The following COL4A3 variants were observed in gnomAD, a reference collection of about 807,000 sequenced individuals.
COL4A3 encodes the protein collagen type IV alpha 3 chain, also known as collagen alpha-3(IV) chain.
COL4A3 carries 135 observed loss-of-function variants against 217.4 expected under a neutral mutation model. The ratio of observed to expected loss-of-function variants is 0.62; its 90% confidence interval spans 0.54 to 0.72. The LOEUF (loss-of-function observed/expected upper bound fraction) is 0.72, where lower values mean the gene tolerates loss of function less well. Among genes scored for constraint, COL4A3 ranks in the 30% least tolerant of loss-of-function variants. COL4A3 has a pLI of 0.00. For missense variants in COL4A3, 1,868 were observed against 2,119.9 expected (o/e 0.88, Z 2.33); for synonymous variants, 690 against 736.3 (o/e 0.94, Z 1.02).
chr2:227,262,000 G>C (rs1219843790), intron 20 of COL4A3, among the ~76,000 whole-genome samples: 1 of 152,052 alleles, frequency 6.6e-6, no homozygotes, highest in African/African-American at 2.4e-5. Flanking sequence ...ATAAACTACT[G>C]GGCATGTGCC....
chr2:227,294,261 G>A, intron 38 of COL4A3: 1 of 547,166 alleles, frequency 1.8e-6, no homozygotes, highest in East Asian at 3.1e-5. Flanking sequence ...ATTGAGTGGT[G>A]CTTGTGGTTG....
chr2:227,181,050 T>G (rs1425960097), intron 1 of COL4A3, among the ~76,000 whole-genome samples: 7 of 152,218 alleles, frequency 4.6e-5, no homozygotes, highest in South Asian at 2.1e-4. Context: ...GTGTAAATAC[T>G]GACGCTAAAA....
chr2:227,275,021 C>T (rs899870379), intron 26 of COL4A3, among the ~76,000 whole-genome samples: 4 of 152,218 alleles, frequency 2.6e-5, no homozygotes, highest in African/African-American at 9.6e-5. Flanking sequence ...AGCTGCACTC[C>T]TGTATGTACT....
At chr2:227,233,192 T>C (rs2068502610) in intron 1 of COL4A3, among the ~76,000 whole-genome samples, 1 of 152,136 alleles carries the variant, frequency 6.6e-6, no homozygotes, top group African/African-American at 2.4e-5. Context: ...TTTTGTATTT[T>C]TAGTAGAGAC....
intron 1 of COL4A3, among the ~76,000 whole-genome samples, chr2:227,230,603 A>G (rs1204353451): frequency 1.3e-5 from 2 of 152,260 alleles, no homozygotes; most frequent in Admixed American, 6.5e-5. Flanking sequence ...AGTGTTTCAA[A>G]AAAATGGGTC....
At chr2:227,280,333 C>A in intron 29 of COL4A3, 107 bp from the exon 30 acceptor site, 1 of 1,244,444 alleles carries the variant, frequency 8.0e-7, no homozygotes, top group Non-Finnish European at 1.2e-6. Context: ...AAGTTGATGA[C>A]ATGGTAGTGG....
chr2:227,283,226 G>A (rs1445810389), intron 32 of COL4A3, among the ~76,000 whole-genome samples: 1 of 152,102 alleles, frequency 6.6e-6, no homozygotes, highest in African/African-American at 2.4e-5. Flanking sequence ...AGAATATTCT[G>A]TTCCCTCATG....
intron 1 of COL4A3, among the ~76,000 whole-genome samples, chr2:227,203,896 T>G (rs2066993421): frequency 1.3e-5 from 2 of 151,930 alleles, no homozygotes; most frequent in Non-Finnish European, 1.5e-5. Context: ...CCCTAAAATA[T>G]AAGCCTCTTA....
chr2:227,303,619 C>A (rs2073382557), intron 44 of COL4A3, among the ~76,000 whole-genome samples: 1 of 152,184 alleles, frequency 6.6e-6, no homozygotes, highest in South Asian at 2.1e-4. Context: ...AATACAAGTT[C>A]TTAATGCCTA....
intron 9 of COL4A3, among the ~76,000 whole-genome samples, chr2:227,249,218 A>ATATATATATATG (rs1291938659): frequency 3.8e-5 from 1 of 25,992 alleles, no homozygotes; most frequent in Non-Finnish European, 9.2e-5. Flanking sequence ...GCTAGTATAT[A>ATATATATATATG]TATATATATA....
At position 227,307,585 on chromosome 2, in the gene COL4A3, T is replaced by C. The variant is rs2073561471; in HGVS notation, c.4253-125T>C. On this transcript the variant is annotated intron_variant, in intron 47 of 51. Transcript: ENST00000396578. ...CTGTTTGGCCATTTTTATAAGCCACTCTTCTCTAGGATTGCTTTCAATTTA... is the reference window on the plus strand; with the variant it reads ...CTGTTTGGCCATTTTTATAAGCCACCCTTCTCTAGGATTGCTTTCAATTTA... The C allele has an allele frequency of 6.2e-6, 5 of 807,324 alleles. No homozygotes were observed. In the Admixed American group the frequency reaches 1.2e-4, roughly 19 times the overall value. 50.0% of individuals were successfully genotyped at this position (807,324 alleles called of 1,614,324 possible).
In COL4A3 at chr2:227,290,798, C is replaced by T. The variant is rs2072648312; in HGVS notation, c.3122C>T (p.Pro1041Leu). 1.9e-6 allele frequency: 3 copies of T among 1,613,496 alleles called. No homozygotes were observed. The highest frequency in any genetic ancestry group is 2.5e-6 in the Non-Finnish European group (3 of 1,179,916). The change falls in exon 37 of 52, where the codon CCA becomes CTA. Residue 1041 changes from proline (P) to leucine (L), a missense_variant. Transcript: ENST00000396578. Reference sequence around the variant, plus strand: ...GGATTCCCAGGTCGAGCAGGAAGACCAGGCCTCCCAGGTATTCATGGTCTC... The same window carrying T: ...GGATTCCCAGGTCGAGCAGGAAGACTAGGCCTCCCAGGTATTCATGGTCTC... ...TLGFPGRAGRPGLPGIHGLQG... is the reference protein window; with the variant it reads ...TLGFPGRAGRLGLPGIHGLQG...
chr2:227,236,858 A>T (rs1033192972), intron 1 of COL4A3, among the ~76,000 whole-genome samples: 2 of 152,066 alleles, frequency 1.3e-5, no homozygotes, highest in African/African-American at 4.8e-5. Context: ...ATGGGGTTTC[A>T]TCAGGTTGGC....
At position 227,282,275 on chromosome 2, in the gene COL4A3, A is replaced by AATATATATAT. The variant is rs72371878; in HGVS notation, c.2489-73_2489-64dup. ...AGACAGAGGGAGATTCCATCTTAAA[A>AATATATATAT]ATATATATATATATATATATATATA... On this transcript the variant is annotated intron_variant, in intron 31 of 51. Transcript: ENST00000396578. This position sits in a 1 kb window ranked among gnomAD's most constrained non-coding sequence, Gnocchi z 4.4. The AATATATATAT allele has an allele frequency of 8.3e-4, 296 of 354,518 alleles. 2 individuals carry two copies. Among genetic ancestry groups the AATATATATAT allele is most frequent in the African/African-American group, 6.8e-3 (274 of 40,018 alleles). 22.0% of individuals were successfully genotyped at this position (354,518 alleles called of 1,614,324 possible).
chr2:227,224,246 A>T (rs2067968211), intron 1 of COL4A3, among the ~76,000 whole-genome samples: 1 of 152,026 alleles, frequency 6.6e-6, no homozygotes, highest in Non-Finnish European at 1.5e-5. Context: ...TAGCTCTCCC[A>T]CCATCAGCCA....
intron 21 of COL4A3, chr2:227,266,029 A>G (rs1441579253): frequency 4.3e-6 from 1 of 233,186 alleles, no homozygotes; most frequent in African/African-American, 2.3e-5. Context: ...AACTGCCCCC[A>G]TGATTAAATT....
At chr2:227,252,015 G>A (rs895044665) in intron 11 of COL4A3, among the ~76,000 whole-genome samples, 5 of 133,546 alleles carry the variant, frequency 3.7e-5, no homozygotes, top group African/African-American at 1.4e-4. Flanking sequence ...TTTGCAGTGA[G>A]CCAAGATAGC....
chr2:227,201,929 T>C (rs1478617303), intron 1 of COL4A3, among the ~76,000 whole-genome samples: 2 of 152,202 alleles, frequency 1.3e-5, no homozygotes, highest in Admixed American at 1.3e-4. Flanking sequence ...TATTATTAAC[T>C]AAAGTATTAA....
At chr2:227,274,037 G>C (rs1218826646) in intron 26 of COL4A3, among the ~76,000 whole-genome samples, 1 of 152,058 alleles carries the variant, frequency 6.6e-6, no homozygotes, top group African/African-American at 2.4e-5. Context: ...AGGAGTTCAA[G>C]ACCAGCCGGG....
Sources: allele counts gnomAD v4.1 joint callset (sites outside exome capture counted in the v4.1 genomes callset), GRCh38; gene constraint gnomAD v4.1.1; non-coding constraint Gnocchi (gnomAD v3.1); transcripts MANE v1.5; gene names NCBI Gene and HGNC (gene_info 2026-07-23, HGNC 2026-07-21).